Variants in NECAB3 observed in about 807,000 individuals in gnomAD.
NECAB3 encodes N-terminal EF-hand calcium-binding protein 3.
NECAB3 carries 38 observed loss-of-function variants against 57.2 expected under a neutral mutation model. The ratio of observed to expected loss-of-function variants is 0.66; its 90% CI spans 0.51 to 0.87. The LOEUF (loss-of-function observed/expected upper bound fraction) is 0.87. Ranked by LOEUF, NECAB3 falls within the 40% of genes least tolerant of loss-of-function variation. The probability of loss-of-function intolerance (pLI) is 0.00; values close to 1 mark genes in which losing one functional copy is unlikely to be tolerated. For synonymous variants in NECAB3, 223 were observed against 222.6 expected (o/e 1.00, Z -0.02); for missense variants, 474 against 527.5 (o/e 0.90, Z 0.99).
chr20:33,674,844 C>G (rs2017922669), upstream of NECAB3: 1 of 152,254 alleles, frequency 6.6e-6, no homozygotes. Context: ...GCGGCCGAAT[C>G]CCAGGCATCC....
chr20:33,663,406 T>TGACAGGACCCGGGTGGAC (rs11273422), intron 5 of NECAB3: 12 of 1,039,378 alleles, frequency 1.2e-5, no homozygotes, highest in East Asian at 2.8e-5. Context: ...CACGAGAGGA[T>TGACAGGACCCGGGTGGAC]GACAGGACCC....
At chr20:33,663,686 C>A in intron 5 of NECAB3, 1 of 1,584,144 alleles carries the variant, frequency 6.3e-7, no homozygotes, top group Non-Finnish European at 8.5e-7. Flanking sequence ...CCGAGGATGC[C>A]GGTACTGCTG....
chr20:33,664,261 G>A (rs1002539055), intron 5 of NECAB3: 1 of 198,046 alleles, frequency 5.0e-6, no homozygotes, highest in Non-Finnish European at 1.0e-5. Flanking sequence ...CCAGCATCCA[G>A]AAATCCCTCT....
In NECAB3 at chr20:33,674,424, T is replaced by TA. The variant is rs2017908341; in HGVS notation, c.-73dup. ...GACGCCGCGGCGGACTCGGTGTGGC[T>TA]AGAGGCCGCCCCTTGGCGCCGGCGC... On this transcript the variant is annotated 5_prime_UTR_variant, in exon 1 of 12. Coordinates refer to ENST00000246190, the MANE Select transcript of NECAB3 (RefSeq NM_031232.4). The TA allele has an allele frequency of 3.7e-6, 4 of 1,087,908 alleles. No individual in the cohort carries two copies. In the Admixed American group the frequency reaches 2.1e-4, roughly 56 times the overall value. 67.4% of individuals were successfully genotyped at this position (1,087,908 alleles called of 1,614,324 possible). A position where few individuals can be genotyped will look rare whatever the true frequency, so the allele number is the denominator to read the frequency against.
Position 33,657,544 on chromosome 20 carries a change from C to T in NECAB3, c.*285G>A, listed in dbSNP as rs2017323934. The T allele has an allele frequency of 2.6e-6, 1 of 389,506 alleles. No homozygotes were observed. The highest frequency in any genetic ancestry group is 4.3e-6 in the Non-Finnish European group (1 of 232,572). 24.1% of individuals were successfully genotyped at this position (389,506 alleles called of 1,614,324 possible). On this transcript the variant is annotated 3_prime_UTR_variant, in exon 12 of 12. Transcript: ENST00000246190. ...GGGACGGGACCTGCCCTGGGTCGCT[C>T]AGCCAGGCAGGGACAGCAGGGACCA...
At chr20:33,661,760 C>T (rs989038247) in intron 5 of NECAB3, among the ~76,000 whole-genome samples, 30 of 152,234 alleles carry the variant, frequency 2.0e-4, no homozygotes, top group African/African-American at 7.2e-4. Context: ...AAGCAATTCT[C>T]CTGCCTCAGC....
At chr20:33,658,415 C>T in intron 10 of NECAB3, 62 bp downstream of exon 10, 2 of 1,539,760 alleles carry the variant, frequency 1.3e-6, no homozygotes, top group Non-Finnish European at 1.8e-6. Context: ...GAATTAGAAC[C>T]CTGGCCTGAC....
At position 33,658,806 on chromosome 20, in the gene NECAB3, T is replaced by C; in HGVS notation, c.908A>G (p.Gln303Arg). ...LHILMAQRQV[Q>R]VAEEGLQDFH... is the part of the protein sequence containing the mutation. ...GTCCTGCAGGCCTTCCTCTGCCACC[T>C]GGACCTGCCTCTGGGCCATGAGGAT... The change falls in exon 9 of 12, where the codon CAG becomes CGG. Residue 303 changes from glutamine to arginine, a missense_variant. Transcript: ENST00000246190. 1 of 1,612,884 alleles carries C rather than the reference T, an allele frequency of 6.2e-7. No homozygotes were observed. Among genetic ancestry groups the C allele is most frequent in the Non-Finnish European group, 8.5e-7 (1 of 1,179,836 alleles).
rs760598548 is a variant in NECAB3, at chr20:33,660,306, C to G, written c.477G>C (p.Ser159=). The G allele has an allele frequency of 3.1e-6, 5 of 1,613,376 alleles. No individual in the cohort carries two copies. Among genetic ancestry groups the G allele is most frequent in the Admixed American group, 1.7e-5 (1 of 60,028 alleles). ...TVSQLQALQS[S]LEGASDTLEA... is the part of the protein sequence containing the mutation. ...CCAGGGTATCTGACGCCCCCTCCAG[C>G]GAGCTCTGAAGGGCTTGCAGCTGGC... is the stretch of plus-strand genomic sequence containing the variant. Residue 159 remains serine (S), a synonymous_variant, in exon 6 of 12, where the codon TCG becomes TCC. Coordinates refer to ENST00000246190, the MANE Select transcript of NECAB3 (RefSeq NM_031232.4). This position sits in a 1 kb window ranked among gnomAD's most constrained non-coding sequence, Gnocchi z 4.1.
At chr20:33,659,243 C>T (rs546030710) in intron 8 of NECAB3, among the ~76,000 whole-genome samples, 52 of 152,312 alleles carry the variant, frequency 3.4e-4, no homozygotes, top group Admixed American at 7.2e-4. Context: ...CAGTATGCCA[C>T]CACTTCCTTC....
chr20:33,664,211 T>G, intron 5 of NECAB3: 1 of 279,306 alleles, frequency 3.6e-6, no homozygotes, highest in East Asian at 6.5e-5. Flanking sequence ...TTGGCCACGC[T>G]AGTGAGAGGG....
chr20:33,663,575 TGGCCAACGC>T, intron 5 of NECAB3: 1 of 1,611,400 alleles, frequency 6.2e-7, no homozygotes, highest in Non-Finnish European at 8.5e-7. Context: ...CGGCAGCCGC[TGGCCAACGC>T]TGGGCAACGG....
intron 5 of NECAB3, chr20:33,668,097 G>A (rs2017736304): frequency 3.7e-6 from 6 of 1,603,312 alleles, no homozygotes; most frequent in Middle Eastern, 1.7e-4. Flanking sequence ...CCCACCTGGT[G>A]GCCAAGCATG....
intron 2 of NECAB3, chr20:33,672,090 T>C: frequency 2.2e-6 from 1 of 456,144 alleles, no homozygotes. Context: ...AATTCCAATC[T>C]AGCTGGTGGT....
intron 5 of NECAB3, among the ~76,000 whole-genome samples, chr20:33,666,301 A>C (rs1245017563): frequency 6.6e-6 from 1 of 152,248 alleles, no homozygotes; most frequent in Non-Finnish European, 1.5e-5. Context: ...GAAAGGAATC[A>C]GACTGTGCTG....
chr20:33,666,008 G>T (rs1489313457), intron 5 of NECAB3, among the ~76,000 whole-genome samples: 1 of 152,116 alleles, frequency 6.6e-6, no homozygotes, highest in Non-Finnish European at 1.5e-5. Context: ...ACTTGAACTC[G>T]GAAGGCAGAG....
intron 5 of NECAB3, chr20:33,662,814 C>T (rs746812996): frequency 1.8e-4 from 46 of 259,016 alleles, no homozygotes; most frequent in Admixed American, 1.5e-4. Context: ...GGTGAATGCC[C>T]GCAGTCCCAG....
At chr20:33,668,794 GAT>G in intron 5 of NECAB3, among the ~76,000 whole-genome samples, 4 of 152,376 alleles carry the variant, frequency 2.6e-5, no homozygotes, top group Middle Eastern at 6.8e-3. Context: ...GGGAGGTGGA[GAT>G]ATTTCTTGAA....
At position 33,660,475 on chromosome 20, in the gene NECAB3, C is replaced by A; in HGVS notation, c.388-80G>T. ...AGTGGGTCCCCTGCCTCTTGCCCAT[C>A]AGAGCAGCGGTGGCAGTGCCAAGAG... On this transcript the variant is annotated intron_variant, in intron 5 of 11. Coordinates refer to ENST00000246190, the MANE Select transcript of NECAB3 (RefSeq NM_031232.4). This position sits in a 1 kb window ranked among gnomAD's most constrained non-coding sequence, Gnocchi z 4.1. The A allele has an allele frequency of 1.3e-6, 2 of 1,561,804 alleles. No homozygotes were observed. The highest frequency in any genetic ancestry group is 2.3e-5 in the South Asian group (2 of 85,806).
Sources: gnomAD v4.1 joint callset for allele counts (sites outside exome capture counted in the v4.1 genomes callset) on GRCh38, gnomAD v4.1.1 for gene constraint, Gnocchi (gnomAD v3.1) non-coding constraint, MANE v1.5 for transcripts, NCBI Gene and HGNC (gene_info 2026-07-23, HGNC 2026-07-21) for gene names.